VWA3B: variants seen among roughly 807,000 people sequenced by gnomAD.
VWA3B encodes von Willebrand factor A domain-containing protein 3B.
Under a neutral mutation model 158.3 loss-of-function variants are expected in VWA3B, and 138 were observed. The ratio of observed to expected loss-of-function variants is 0.87; its 90% confidence interval spans 0.76 to 1.00. The LOEUF is 1.00. VWA3B is among the 50% of genes least tolerant of loss of function. VWA3B has a pLI of 0.00. For missense variants in VWA3B, 1,555 were observed against 1,565.1 expected (o/e 0.99, Z 0.11); for synonymous variants, 596 against 587.3 (o/e 1.01, Z -0.21).
chr2:98,168,368 CACACACAT>C (rs1182760982), intron 8 of VWA3B, among the ~76,000 whole-genome samples: 1 of 119,904 alleles, frequency 8.3e-6, no homozygotes, highest in African/African-American at 2.9e-5. Flanking sequence ...CAATCTAATA[CACACACAT>C]ACACACACAC....
chr2:98,094,467 T>A (rs1449639685), intron 2 of VWA3B, among the ~76,000 whole-genome samples: 1 of 152,164 alleles, frequency 6.6e-6, no homozygotes, highest in Non-Finnish European at 1.5e-5. Context: ...CTTTTGTCCA[T>A]TTAAAAACCA....
chr2:98,196,939 C>A (rs974455874), intron 12 of VWA3B, among the ~76,000 whole-genome samples: 1 of 152,228 alleles, frequency 6.6e-6, no homozygotes, highest in South Asian at 2.1e-4. Context: ...TCACCTCTAA[C>A]ATAGCCATGG....
chr2:98,308,490 A>G (rs968382107), intron 26 of VWA3B, among the ~76,000 whole-genome samples: 2 of 152,222 alleles, frequency 1.3e-5, no homozygotes, highest in Admixed American at 1.3e-4. Context: ...GTCCTTCTCA[A>G]TAACTACAAG....
chr2:98,254,806 T>C (rs561866695), intron 20 of VWA3B, among the ~76,000 whole-genome samples: 2 of 152,266 alleles, frequency 1.3e-5, no homozygotes, highest in African/African-American at 4.8e-5. Context: ...CTCCGGAGTC[T>C]ACCCTCTTCA....
At chr2:98,142,035 T>G (rs923331584) in intron 7 of VWA3B, among the ~76,000 whole-genome samples, 2 of 152,172 alleles carry the variant, frequency 1.3e-5, no homozygotes, top group Non-Finnish European at 2.9e-5. Context: ...TCCTCTCCTC[T>G]GGTTGGGTGG....
chr2:98,169,468 AAAG>A (rs373413581), intron 8 of VWA3B, among the ~76,000 whole-genome samples: 11 of 152,240 alleles, frequency 7.2e-5, no homozygotes, highest in South Asian at 2.1e-4. Flanking sequence ...CAGAAAAAAA[AAAG>A]AAGAACAAAG....
intron 21 of VWA3B, among the ~76,000 whole-genome samples, chr2:98,262,240 T>C (rs545115391): frequency 6.8e-4 from 104 of 152,020 alleles, no homozygotes; most frequent in Non-Finnish European, 6.8e-4. Flanking sequence ...TGTTTCACTC[T>C]GTTGATGTGC....
intron 25 of VWA3B, among the ~76,000 whole-genome samples, chr2:98,301,535 T>C (rs193158580): frequency 5.3e-5 from 8 of 152,304 alleles, no homozygotes. Context: ...GTCTGACAGG[T>C]AGGTGTTAGG....
In VWA3B at chr2:98,217,883, A is replaced by G; in HGVS notation, c.1874A>G (p.Gln625Arg). 1 of 1,611,098 alleles carries G rather than the reference A, an allele frequency of 6.2e-7. No individual in the cohort carries two copies. The highest frequency in any genetic ancestry group is 8.5e-7 in the Non-Finnish European group (1 of 1,178,934). ...ETVIDQVKRF[Q>R]EIPIYTISFN... ...GTTATAGACCAGGTCAAACGTTTTC[A>G]GGAAATTCCTATTTATACCATCTCC... The change falls in exon 14 of 28, where the codon CAG becomes CGG. Residue 625 changes from glutamine to arginine, a missense_variant. Gln to Arg is a conservative substitution (Grantham distance 43, BLOSUM62 1). Coordinates refer to ENST00000477737, the MANE Select transcript of VWA3B (RefSeq NM_144992.5).
chr2:98,230,203 C>T lies in VWA3B; in HGVS notation c.2304C>T (p.His768=), dbSNP rs377557539. Residue 768 remains histidine, a synonymous_variant, in exon 16 of 28, where the codon CAC becomes CAT. Coordinates refer to ENST00000477737, the MANE Select transcript of VWA3B (RefSeq NM_144992.5). ...AGGTTCAGAAAAAGAAAGTCCTTCA[C>T]GCAGGTATCAGTGAACAAAATGGCT... ...DQKVQKKKVL[H]AESTKTSLLR... The T allele has an allele frequency of 1.1e-5, 17 of 1,569,450 alleles. No homozygotes were observed. The highest frequency in any genetic ancestry group is 9.7e-5 in the South Asian group (8 of 82,288).
intron 7 of VWA3B, among the ~76,000 whole-genome samples, chr2:98,158,623 C>G (rs1265169194): frequency 3.3e-5 from 5 of 152,074 alleles, no homozygotes; most frequent in African/African-American, 1.2e-4. Context: ...CCGAGCGTGT[C>G]CTGGCAGCAA....
At chr2:98,274,820 A>C (rs1381079833) in intron 22 of VWA3B, among the ~76,000 whole-genome samples, 1 of 152,228 alleles carries the variant, frequency 6.6e-6, no homozygotes, top group Non-Finnish European at 1.5e-5. Flanking sequence ...TGAGTCCTTG[A>C]GCCAGGTAGG....
chr2:98,144,506 C>T (rs1271082547), intron 7 of VWA3B, among the ~76,000 whole-genome samples: 1 of 151,574 alleles, frequency 6.6e-6, no homozygotes, highest in African/African-American at 2.4e-5. Flanking sequence ...CTAGTCATTC[C>T]TTCGAGAAGG....
chr2:98,230,296 A>G (rs1685247563), intron 16 of VWA3B, 89 bp downstream of exon 16: 2 of 1,307,910 alleles, frequency 1.5e-6, no homozygotes, highest in East Asian at 5.3e-5. Flanking sequence ...AATATTTTTA[A>G]GAAGCACTAA....
At chr2:98,330,481 G>C in the VWA3B span, among the ~76,000 whole-genome samples, 1 of 152,272 alleles carries the variant, frequency 6.6e-6, no homozygotes, top group African/African-American at 2.4e-5. Context: ...AATCACATCA[G>C]GTTGCACCAA....
intron 7 of VWA3B, among the ~76,000 whole-genome samples, chr2:98,140,129 G>A (rs1018869735): frequency 2.6e-5 from 4 of 152,080 alleles, no homozygotes; most frequent in African/African-American, 7.2e-5. Flanking sequence ...GAACACATCC[G>A]AACATCAGAA....
chr2:98,178,665 A>G (rs1680219141), intron 8 of VWA3B, among the ~76,000 whole-genome samples: 1 of 152,226 alleles, frequency 6.6e-6, no homozygotes, highest in South Asian at 2.1e-4. Context: ...ACCTTAAGCC[A>G]GTGGCAAAGC....
At position 98,171,214 on chromosome 2, in the gene VWA3B, G is replaced by A. The variant is rs1413787908; in HGVS notation, c.1114+8238G>A. 3.3e-5 allele frequency among the ~76,000 whole-genome samples: 5 copies of A among 152,254 alleles called. No homozygotes were observed. The South Asian group carries it at 6.2e-4, about 19-fold the overall frequency. Reference sequence around the variant, plus strand: ...TAATGGTAAATAAGAGACATGGAACGGGCCCTCATAAAGCAGGACCTACAT... The same window carrying A: ...TAATGGTAAATAAGAGACATGGAACAGGCCCTCATAAAGCAGGACCTACAT... On this transcript the variant is annotated intron_variant, in intron 8 of 27. Transcript: ENST00000477737.
At chr2:98,250,516 G>GA in intron 20 of VWA3B, 80 bp downstream of exon 20, 1 of 1,092,574 alleles carries the variant, frequency 9.2e-7, no homozygotes, top group Non-Finnish European at 1.3e-6. Context: ...TTTTAGCTTA[G>GA]CTTTTTTTTT....
Sources: gnomAD v4.1 joint callset for allele counts (sites outside exome capture counted in the v4.1 genomes callset) on GRCh38, gnomAD v4.1.1 for gene constraint, MANE v1.5 for transcripts, NCBI Gene and HGNC (gene_info 2026-07-23, HGNC 2026-07-21) for gene names.